Variants in PPM1E observed in about 807,000 individuals in gnomAD.
PPM1E encodes protein phosphatase, Mg2+/Mn2+ dependent 1E.
In PPM1E, 20 loss-of-function variants were observed where a neutral mutation model predicts 65.9. The observed-to-expected ratio is 0.30, with a 90% CI of 0.21 to 0.44. The LOEUF is 0.44. Ranked by LOEUF, PPM1E falls within the 20% of genes least tolerant of loss-of-function variation. PPM1E has a pLI of 1.00. For synonymous variants in PPM1E, 352 were observed against 374.9 expected, an observed-to-expected ratio of 0.94 and a Z score of 0.70; for missense variants, 713 against 953.1, an observed-to-expected ratio of 0.75 and a Z score of 3.32.
At chr17:58,878,781 G>T (rs2051156204) in intron 1 of PPM1E, among the ~76,000 whole-genome samples, 1 of 150,762 alleles carries the variant, frequency 6.6e-6, no homozygotes, top group African/African-American at 2.4e-5. Flanking sequence ...AAAAATACAA[G>T]ATTAGCTGGG....
chr17:58,886,658 A>T (rs1209430391), intron 1 of PPM1E, among the ~76,000 whole-genome samples: 1 of 152,248 alleles, frequency 6.6e-6, no homozygotes, highest in East Asian at 1.9e-4. Context: ...TACAAGAAAG[A>T]TAAGGTCCAT....
At chr17:58,833,066 T>C (rs752358624) in intron 1 of PPM1E, among the ~76,000 whole-genome samples, 4 of 151,958 alleles carry the variant, frequency 2.6e-5, no homozygotes, top group Non-Finnish European at 5.9e-5. Flanking sequence ...CCTCAAGTGA[T>C]TCACCTGCCT....
At position 58,756,330 on chromosome 17, in the gene PPM1E, C is replaced by T. The variant is rs2049763469; in HGVS notation, c.333C>T (p.His111=). 2 of 1,414,046 alleles carry T rather than the reference C, an allele frequency of 1.4e-6. No individual in the cohort carries two copies. Among genetic ancestry groups the T allele is most frequent in the East Asian group, 3.0e-5 (1 of 33,438 alleles). The allele number at this position is 1,414,046 out of a possible 1,614,324, so 87.6% of individuals were successfully genotyped here. Residue 111 remains histidine (H), a synonymous_variant, in exon 1 of 7, where the codon CAC becomes CAT. Coordinates refer to ENST00000308249, the MANE Select transcript of PPM1E (RefSeq NM_014906.5). The stretch of plus-strand genomic sequence containing the variant: ...CGACGGCGGCGGCAGCCCCGGGGCA[C>T]TCGGCCGTGCCGCCGCCGCCGCCCC... ...GAATAAAAPG[H]SAVPPPPPQL...
At chr17:58,819,854 T>A (rs1323626296) in intron 1 of PPM1E, among the ~76,000 whole-genome samples, 7 of 152,076 alleles carry the variant, frequency 4.6e-5, no homozygotes, top group African/African-American at 1.7e-4. Flanking sequence ...CTGGCCAACA[T>A]GGTGAAACCC....
chr17:58,920,119 T>TAAACA (rs2051734041), intron 1 of PPM1E, among the ~76,000 whole-genome samples: 1 of 152,166 alleles, frequency 6.6e-6, no homozygotes, highest in South Asian at 2.1e-4. Context: ...GGATGTGAGA[T>TAAACA]AAACAGAGGA....
chr17:58,814,492 CTT>C (rs1320658538), intron 1 of PPM1E, among the ~76,000 whole-genome samples: 3 of 152,224 alleles, frequency 2.0e-5, no homozygotes, highest in Non-Finnish European at 4.4e-5. Flanking sequence ...TGAAGGCTAA[CTT>C]TGTCACTTAA....
intron 1 of PPM1E, among the ~76,000 whole-genome samples, chr17:58,777,772 T>C (rs2050007878): frequency 6.6e-6 from 1 of 152,214 alleles, no homozygotes; most frequent in African/African-American, 2.4e-5. Context: ...CCTACTAGAA[T>C]ATAAGCTCCA....
At chr17:58,959,042 G>C (rs1394310023) in intron 2 of PPM1E, among the ~76,000 whole-genome samples, 4 of 152,086 alleles carry the variant, frequency 2.6e-5, no homozygotes, top group African/African-American at 4.8e-5. Context: ...TGGTGTGGTG[G>C]CTACGTCTGT....
intron 1 of PPM1E, among the ~76,000 whole-genome samples, chr17:58,795,738 G>A (rs2050199737): frequency 6.6e-6 from 1 of 152,160 alleles, no homozygotes; most frequent in South Asian, 2.1e-4. Context: ...TCTGACTGGT[G>A]TGAGATGGTA....
intron 1 of PPM1E, among the ~76,000 whole-genome samples, chr17:58,772,727 C>G (rs2049952424): frequency 6.6e-6 from 1 of 152,056 alleles, no homozygotes; most frequent in Admixed American, 6.6e-5. Context: ...GCAAGGAAAA[C>G]CAGAGAATGA....
At chr17:58,819,505 A>T (rs1403981630) in intron 1 of PPM1E, among the ~76,000 whole-genome samples, 1 of 152,154 alleles carries the variant, frequency 6.6e-6, no homozygotes, top group South Asian at 2.1e-4. Context: ...AAGAAGTACT[A>T]TAACTGTATT....
chr17:58,816,786 ATATATATATTTTTT>A (rs1411243821), intron 1 of PPM1E, among the ~76,000 whole-genome samples: 7 of 7,748 alleles, frequency 9.0e-4, no homozygotes, highest in East Asian at 2.5e-3. Flanking sequence ...ATATATATAT[ATATATATATTTTTT>A]TTTTTTTTTT....
intron 1 of PPM1E, among the ~76,000 whole-genome samples, chr17:58,919,023 A>G (rs2051718864): frequency 6.6e-6 from 1 of 152,190 alleles, no homozygotes; most frequent in Non-Finnish European, 1.5e-5. Context: ...TAAAACCCCA[A>G]ACATTCTGTA....
chr17:58,937,879 C>CAAAAAAAAAAAAAAAAAAAA (rs1226139023), intron 1 of PPM1E, among the ~76,000 whole-genome samples: 1 of 82,944 alleles, frequency 1.2e-5, no homozygotes, highest in Non-Finnish European at 2.3e-5. Context: ...GACTCCATCT[C>CAAAAAAAAAAAAAAAAAAAA]AAAAAAAAAA....
intron 1 of PPM1E, among the ~76,000 whole-genome samples, chr17:58,836,818 G>A (rs1030128060): frequency 5.4e-5 from 8 of 147,600 alleles, no homozygotes; most frequent in Non-Finnish European, 9.0e-5. Flanking sequence ...TCAGGAGATC[G>A]AGACCATCCT....
At chr17:58,792,624 C>T (rs922920757) in intron 1 of PPM1E, among the ~76,000 whole-genome samples, 1 of 151,086 alleles carries the variant, frequency 6.6e-6, no homozygotes, top group African/African-American at 2.4e-5. Flanking sequence ...GCTGGGACTA[C>T]AAGCGTGAGC....
chr17:58,756,503 C>T, intron 1 of PPM1E, 42 bp downstream of exon 1: 1 of 1,263,556 alleles, frequency 7.9e-7, no homozygotes, highest in Non-Finnish European at 1.0e-6. Flanking sequence ...CCGCGGTCCC[C>T]ACCGCGCCGG....
intron 2 of PPM1E, among the ~76,000 whole-genome samples, chr17:58,964,365 G>A (rs964235683): frequency 6.6e-6 from 1 of 152,126 alleles, no homozygotes. Context: ...CTTGAGTGGA[G>A]GGTTCAATGA....
At chr17:58,868,172 A>T (rs1031516503) in intron 1 of PPM1E, among the ~76,000 whole-genome samples, 14 of 152,204 alleles carry the variant, frequency 9.2e-5, no homozygotes, top group African/African-American at 2.9e-4. Context: ...TCTACAAAAC[A>T]TACAAAAATC....
Sources: allele counts gnomAD v4.1 joint callset (sites outside exome capture counted in the v4.1 genomes callset), GRCh38; gene constraint gnomAD v4.1.1; transcripts MANE v1.5; gene names NCBI Gene and HGNC (gene_info 2026-07-23, HGNC 2026-07-21).